Variants in TSR2 observed in about 807,000 individuals in gnomAD.
The protein encoded by TSR2 is pre-rRNA-processing protein TSR2 homolog.
Under a neutral mutation model 13.3 loss-of-function variants are expected in TSR2, and 1 was observed. That is an observed-to-expected ratio of 0.08 (90% confidence interval 0.03 to 0.36). The LOEUF is 0.36. TSR2 is among the 10% of genes least tolerant of loss of function. The pLI, the probability that TSR2 is intolerant of heterozygous loss-of-function variation, is 0.99. For synonymous variants in TSR2, 60 were observed against 57.7 expected, an observed-to-expected ratio of 1.04 and a Z score of -0.18; for missense variants, 120 against 151.1, an observed-to-expected ratio of 0.79 and a Z score of 1.08.
At chrX:54,442,156 C>T (rs1272612167) in intron 2 of TSR2, among the ~76,000 whole-genome samples, 1 of 111,738 alleles carries the variant, frequency 8.9e-6, no homozygotes, top group Non-Finnish European at 1.9e-5. Flanking sequence ...ATGGGATTTG[C>T]TGGCTAGAAA....
chrX:54,447,806 C>T lies in TSR2; in HGVS notation c.*3256C>T, dbSNP rs1163773210. Among the ~76,000 whole-genome samples, 5 of 112,199 alleles carry T rather than the reference C, an allele frequency of 4.5e-5. No homozygotes were observed. The highest frequency in any genetic ancestry group is 9.4e-5 in the Non-Finnish European group (5 of 53,278). On this transcript the variant is annotated 3_prime_UTR_variant, in exon 5 of 5. Coordinates refer to ENST00000375151, the MANE Select transcript of TSR2 (RefSeq NM_058163.3). ...TTTCATCACATCCATTTCCTACACTCATTGAGAGGTAATCTAGCATTGTGG... is the reference window on the plus strand; with the variant it reads ...TTTCATCACATCCATTTCCTACACTTATTGAGAGGTAATCTAGCATTGTGG...
At position 54,444,724 on chromosome X, in the gene TSR2, T is replaced by TG; in HGVS notation, c.*179dup. 1 of 428,948 alleles carries TG rather than the reference T, an allele frequency of 2.3e-6. No individual in the cohort carries two copies. The highest frequency in any genetic ancestry group is 3.8e-6 in the Non-Finnish European group (1 of 259,761). 35.4% of individuals were successfully genotyped at this position (428,948 alleles called of 1,213,427 possible). A position where few individuals can be genotyped will look rare whatever the true frequency, so the allele number is the denominator to read the frequency against. ...AAGGAAAACCTAGGGTCCTTGGTCT[T>TG]GGGGGTGGGGGGACCTTTTCCAGCA... On this transcript the variant is annotated 3_prime_UTR_variant, in exon 5 of 5. Transcript: ENST00000375151.
chrX:54,445,498 A>C lies in TSR2; in HGVS notation c.*948A>C, dbSNP rs1184114272. On this transcript the variant is annotated 3_prime_UTR_variant, in exon 5 of 5. Coordinates refer to ENST00000375151, the MANE Select transcript of TSR2 (RefSeq NM_058163.3). ...AACTGTATTTTTCTTAAAAAAAAAA[A>C]AACACACAAAAAAACACAAAAAACT... 9.1e-6 allele frequency: 1 copy of C among 110,176 alleles called. No individual in the cohort carries two copies. Among genetic ancestry groups the C allele is most frequent in the Non-Finnish European group, 1.9e-5 (1 of 52,931 alleles). 9.1% of individuals were successfully genotyped at this position (110,176 alleles called of 1,213,427 possible).
At chrX:54,441,256 C>T (rs1346229301) in intron 2 of TSR2, among the ~76,000 whole-genome samples, 2 of 111,389 alleles carry the variant, frequency 1.8e-5, no homozygotes, top group Non-Finnish European at 3.8e-5. Context: ...AGTTTTAGCA[C>T]ATTTCGATTT....
In TSR2 at chrX:54,440,441, A is replaced by G. The variant is rs1921880218; in HGVS notation, c.20A>G (p.Asp7Gly). The change falls in exon 1 of 5, where the codon GAT (aspartate) becomes GGT (glycine). Residue 7 changes from aspartate to glycine, a missense_variant. Coordinates refer to ENST00000375151, the MANE Select transcript of TSR2 (RefSeq NM_058163.3). Reference protein sequence around the residue: MAGAAEDARALFRAGVC... With the variant: MAGAAEGARALFRAGVC... ...CGGATAATGGCGGGCGCTGCAGAAG[A>G]TGCGCGAGCTCTTTTCCGGGCTGGG... 1 of 1,126,702 alleles carries G rather than the reference A, an allele frequency of 8.9e-7. No homozygotes were observed. The highest frequency in any genetic ancestry group is 3.2e-5 in the East Asian group (1 of 30,803). 92.9% of individuals were successfully genotyped at this position (1,126,702 alleles called of 1,213,427 possible).
At position 54,446,050 on chromosome X, in the gene TSR2, CCAAT is replaced by C. The variant is rs1287129245; in HGVS notation, c.*1503_*1506del. The C allele has an allele frequency of 1.0e-6, 1 of 975,555 alleles. No homozygotes were observed. The highest frequency in any genetic ancestry group is 1.9e-5 in the African/African-American group (1 of 51,567). The allele number at this position is 975,555 out of a possible 1,213,427, so 80.4% of individuals were successfully genotyped here. A position where few individuals can be genotyped will look rare whatever the true frequency, so the allele number is the denominator to read the frequency against. On this transcript the variant is annotated 3_prime_UTR_variant, in exon 5 of 5. Transcript: ENST00000375151. ...GCTGGGAGGGAAGGGGCTAGAGCCC[CCAAT>C]CAGACATGGGCAACTAGAGTGTGGG...
At chrX:54,444,321 T>C (rs1468646542) in intron 4 of TSR2, 95 bp from the exon 5 acceptor site, 2 of 1,146,318 alleles carry the variant, frequency 1.7e-6, no homozygotes, top group Non-Finnish European at 2.3e-6. Context: ...CAGGGAACTT[T>C]CCTAAAGTTA....
Position 54,447,019 on chromosome X carries a change from C to G in TSR2, c.*2469C>G, listed in dbSNP as rs755514121. On this transcript the variant is annotated 3_prime_UTR_variant, in exon 5 of 5. Coordinates refer to ENST00000375151, the MANE Select transcript of TSR2 (RefSeq NM_058163.3). ...GATTACAGGCGTGAGCCACTGCGCT[C>G]GGTCCCATCTGCATACTCTTACCCA... 9.0e-6 allele frequency among the ~76,000 whole-genome samples: 1 copy of G among 111,412 alleles called. No individual in the cohort carries two copies. Among genetic ancestry groups the G allele is most frequent in the Non-Finnish European group, 1.9e-5 (1 of 53,081 alleles).
At chrX:54,443,744 A>G (rs1462623122) in intron 3 of TSR2, among the ~76,000 whole-genome samples, 2 of 111,811 alleles carry the variant, frequency 1.8e-5, no homozygotes, top group Non-Finnish European at 3.8e-5. Context: ...TTGCTCCCCA[A>G]TAAGATTACC....
intron 3 of TSR2, 29 bp downstream of exon 3, chrX:54,443,520 C>G: frequency 4.8e-6 from 5 of 1,044,860 alleles, no homozygotes; most frequent in Non-Finnish European, 6.6e-6. Flanking sequence ...CAACTGCAGT[C>G]TCCCTACCTG....
At position 54,447,580 on chromosome X, in the gene TSR2, G is replaced by A. The variant is rs1352730051; in HGVS notation, c.*3030G>A. 2 of 745,933 alleles carry A rather than the reference G, an allele frequency of 2.7e-6. No individual in the cohort carries two copies. Among genetic ancestry groups the A allele is most frequent in the Non-Finnish European group, 4.0e-6 (2 of 501,102 alleles). The allele number at this position is 745,933 out of a possible 1,213,427, so 61.5% of individuals were successfully genotyped here. A position where few individuals can be genotyped will look rare whatever the true frequency, so the allele number is the denominator to read the frequency against. On this transcript the variant is annotated 3_prime_UTR_variant, in exon 5 of 5. Coordinates refer to ENST00000375151, the MANE Select transcript of TSR2 (RefSeq NM_058163.3). ...AGATGAAGACGCTCAAGCTCAGGTGGCAGGAGTGATTTGTCCAGTGCCACC... is the reference window on the plus strand; with the variant it reads ...AGATGAAGACGCTCAAGCTCAGGTGACAGGAGTGATTTGTCCAGTGCCACC...
rs1419124551 is a variant in TSR2 at position 54,445,463 on chromosome X, G to A, written c.*913G>A. ...AGCAGTGCTATGAAAGTTACTGTAAGCCTGAAATAAACTGTATTTTTCTTA... is the reference window on the plus strand; with the variant it reads ...AGCAGTGCTATGAAAGTTACTGTAAACCTGAAATAAACTGTATTTTTCTTA... On this transcript the variant is annotated 3_prime_UTR_variant, in exon 5 of 5. Transcript: ENST00000375151. The A allele has an allele frequency of 9.3e-6, 1 of 107,693 alleles. No individual in the cohort carries two copies. Among genetic ancestry groups the A allele is most frequent in the Non-Finnish European group, 1.9e-5 (1 of 52,368 alleles). The allele number at this position is 107,693 out of a possible 1,213,427, so 8.9% of individuals were successfully genotyped here.
intron 2 of TSR2, 92 bp downstream of exon 2, chrX:54,440,872 T>C (rs1921904559): frequency 1.4e-6 from 1 of 700,467 alleles, no homozygotes; most frequent in East Asian, 3.7e-5. Flanking sequence ...TCTCGAGCAG[T>C]TGTGGATTGG....
chrX:54,446,391 C>A lies in TSR2; in HGVS notation c.*1841C>A. ...GTCCCACCTCGAAGCCAATGAGGGG[C>A]AGGCTGCGCTGGGCTTTCACATCCT... On this transcript the variant is annotated 3_prime_UTR_variant, in exon 5 of 5. Coordinates refer to ENST00000375151, the MANE Select transcript of TSR2 (RefSeq NM_058163.3). The A allele has an allele frequency of 8.3e-7, 1 of 1,210,252 alleles. No individual in the cohort carries two copies. Among genetic ancestry groups the A allele is most frequent in the Non-Finnish European group, 1.1e-6 (1 of 894,828 alleles).
In TSR2 at chrX:54,447,780, C is replaced by CT. The variant is rs1922266773; in HGVS notation, c.*3233dup. Among the ~76,000 whole-genome samples, 1 of 112,292 alleles carries CT rather than the reference C, an allele frequency of 8.9e-6. No individual in the cohort carries two copies. The highest frequency in any genetic ancestry group is 3.2e-5 in the African/African-American group (1 of 30,874). ...ATTTAGGCCTCATGCTTTTTTCTGT[C>CT]TTTCATCACATCCATTTCCTACACT... On this transcript the variant is annotated 3_prime_UTR_variant, in exon 5 of 5. Transcript: ENST00000375151.
At position 54,441,108 on chromosome X, in the gene TSR2, A is replaced by G. The variant is rs182390944; in HGVS notation, c.172+328A>G. Among the ~76,000 whole-genome samples the G allele has an allele frequency of 2.8e-4, 31 of 112,634 alleles. No homozygotes were observed. The Admixed American group carries it at 2.9e-3, about 11-fold the overall frequency. On this transcript the variant is annotated intron_variant, in intron 2 of 4. Coordinates refer to ENST00000375151, the MANE Select transcript of TSR2 (RefSeq NM_058163.3). ...TATAATTTAAAATTTTTTAGTAGCC[A>G]CTTTAATAAAGCAAAAAGCAGATGA... is the stretch of plus-strand genomic sequence containing the variant.
rs1921890585 is a variant in TSR2, at chrX:54,440,596, C to T, written c.81+94C>T. On this transcript the variant is annotated intron_variant, in intron 1 of 4. Transcript: ENST00000375151. ...AGGTGCCTGAGGCTTGGCTAGGCGG[C>T]ATAAGAGGAGTTGGCTGGGCGGCGT... is the stretch of plus-strand genomic sequence containing the variant. 5.3e-6 allele frequency: 6 copies of T among 1,127,508 alleles called. No homozygotes were observed. In the South Asian group the frequency reaches 9.7e-5, roughly 18 times the overall value. 92.9% of individuals were successfully genotyped at this position (1,127,508 alleles called of 1,213,427 possible).
chrX:54,445,982 C>A lies in TSR2; in HGVS notation c.*1432C>A. 1 of 494,211 alleles carries A rather than the reference C, an allele frequency of 2.0e-6. No individual in the cohort carries two copies. Among genetic ancestry groups the A allele is most frequent in the Non-Finnish European group, 3.4e-6 (1 of 295,124 alleles). The allele number at this position is 494,211 out of a possible 1,213,427, so 40.7% of individuals were successfully genotyped here. A position where few individuals can be genotyped will look rare whatever the true frequency, so the allele number is the denominator to read the frequency against. On this transcript the variant is annotated 3_prime_UTR_variant, in exon 5 of 5. Coordinates refer to ENST00000375151, the MANE Select transcript of TSR2 (RefSeq NM_058163.3). ...ATTAAAAAACCCAAGACCCAGCATT[C>A]GGGATTGAAAGTGCCCGTGATGGGA...
chrX:54,446,554 A>G lies in TSR2; in HGVS notation c.*2004A>G. ...CTACTCAGGAACCTTCCGTGGCTCCAGTGTTATCAACAGGAACATGTCAGA... is the reference window on the plus strand; with the variant it reads ...CTACTCAGGAACCTTCCGTGGCTCCGGTGTTATCAACAGGAACATGTCAGA... On this transcript the variant is annotated 3_prime_UTR_variant, in exon 5 of 5. Transcript: ENST00000375151. The G allele has an allele frequency of 1.8e-6, 1 of 540,981 alleles. No homozygotes were observed. Among genetic ancestry groups the G allele is most frequent in the Non-Finnish European group, 3.0e-6 (1 of 336,498 alleles). 44.6% of individuals were successfully genotyped at this position (540,981 alleles called of 1,213,427 possible). A position where few individuals can be genotyped will look rare whatever the true frequency, so the allele number is the denominator to read the frequency against.
Sources: gnomAD v4.1 joint callset for allele counts (sites outside exome capture counted in the v4.1 genomes callset) on GRCh38, gnomAD v4.1.1 for gene constraint, MANE v1.5 for transcripts, NCBI Gene and HGNC (gene_info 2026-07-23, HGNC 2026-07-21) for gene names.